FPR3: variants seen among roughly 807,000 people sequenced by gnomAD.
The protein encoded by FPR3 is N-formyl peptide receptor 3.
For synonymous variants in FPR3, 135 were observed against 163.6 expected (o/e 0.83, Z 1.34); for missense variants, 346 against 443.2 (o/e 0.78, Z 1.97).
At chr19:51,817,645 T>A (rs927423076) in intron 1 of FPR3, 1 of 152,184 alleles carries the variant, frequency 6.6e-6, no homozygotes, top group Non-Finnish European at 1.5e-5. Flanking sequence ...ATCAAACTTC[T>A]CTGTTCTACT....
intron 1 of FPR3, among the ~76,000 whole-genome samples, chr19:51,812,154 A>G (rs1463229727): frequency 2.0e-5 from 3 of 152,218 alleles, no homozygotes; most frequent in East Asian, 3.8e-4. Context: ...ATTAAAATTA[A>G]AGTAAATTGT....
chr19:51,819,112 C>T (rs1414970210), intron 1 of FPR3, among the ~76,000 whole-genome samples: 63 of 152,240 alleles, frequency 4.1e-4, no homozygotes, highest in African/African-American at 1.4e-3. Flanking sequence ...GTGAGTTCTA[C>T]ATTTAGAGCT....
At position 51,824,557 on chromosome 19, in the gene FPR3, AGAT is replaced by A; in HGVS notation, c.811_813del (p.Met271del). On this transcript the variant is annotated inframe_deletion, in exon 2 of 2. Transcript: ENST00000339223. The surrounding 1 kb of genome is among the most constrained non-coding windows in gnomAD (Gnocchi z 4.7). Reference sequence around the variant, plus strand: ...ATTCTAATGGCAGTCTGGCTCAAAGAGATGTTGTTAAATGGCAAATACAAAATC... The same window carrying A: ...ATTCTAATGGCAGTCTGGCTCAAAGAGTTGTTAAATGGCAAATACAAAATC... 6.2e-7 allele frequency: 1 copy of A among 1,614,166 alleles called. No individual in the cohort carries two copies. The highest frequency in any genetic ancestry group is 1.3e-5 in the African/African-American group (1 of 75,054).
In FPR3 at chr19:51,825,834, T is replaced by A. The variant is rs575832764; in HGVS notation, c.*1024T>A. ...CCTATATCCTGAGACTAAGTGGAAGTGGGAAAAGAGTACAAGAGAAGAGAC... is the reference window on the plus strand; with the variant it reads ...CCTATATCCTGAGACTAAGTGGAAGAGGGAAAAGAGTACAAGAGAAGAGAC... On this transcript the variant is annotated 3_prime_UTR_variant, in exon 2 of 2. Transcript: ENST00000339223. The A allele has an allele frequency of 1.2e-5, 2 of 167,112 alleles. No individual in the cohort carries two copies. Among genetic ancestry groups the A allele is most frequent in the East Asian group, 3.9e-4 (2 of 5,182 alleles). 10.4% of individuals were successfully genotyped at this position (167,112 alleles called of 1,614,324 possible). A position where few individuals can be genotyped will look rare whatever the true frequency, so the allele number is the denominator to read the frequency against.
chr19:51,820,499 T>C (rs185752440), intron 1 of FPR3, among the ~76,000 whole-genome samples: 1 of 152,350 alleles, frequency 6.6e-6, no homozygotes, highest in East Asian at 1.9e-4. Flanking sequence ...CTCCACTTTG[T>C]AACTAGGGTG....
intron 1 of FPR3, among the ~76,000 whole-genome samples, chr19:51,819,236 T>G (rs2084169719): frequency 6.6e-6 from 1 of 152,202 alleles, no homozygotes; most frequent in South Asian, 2.1e-4. Context: ...TTGGAGTGTC[T>G]ATGGGACTGC....
rs71180419 is a variant in FPR3, at chr19:51,815,567, T to TAA, written c.-10-8161_-10-8160dup. On this transcript the variant is annotated intron_variant, in intron 1 of 1. Transcript: ENST00000339223. The stretch of plus-strand genomic sequence containing the variant: ...CTGAGGGACAGGGTGAGACTCTGTC[T>TAA]AAAAAAAAAAAAGGTAGACACCAGG... Among the ~76,000 whole-genome samples the TAA allele has an allele frequency of 2.6e-3, 373 of 143,854 alleles. 5 individuals are homozygous for TAA. Among genetic ancestry groups the TAA allele is most frequent in the African/African-American group, 6.8e-3 (264 of 38,952 alleles). The allele number at this position is 143,854 out of a possible 152,430, so 94.4% of individuals were successfully genotyped here.
At chr19:51,798,750 T>C (rs939934265) in intron 1 of FPR3, among the ~76,000 whole-genome samples, 6 of 152,162 alleles carry the variant, frequency 3.9e-5, no homozygotes, top group Non-Finnish European at 7.4e-5. Flanking sequence ...TTATGAGTAT[T>C]AGATGTAAAC....
intron 1 of FPR3, chr19:51,803,683 GAA>G (rs2084039621): frequency 6.6e-6 from 1 of 151,928 alleles, no homozygotes; most frequent in Admixed American, 6.6e-5. Context: ...ATGCAAGACA[GAA>G]AGTCAGGAGC....
chr19:51,817,654 C>G (rs985645541), intron 1 of FPR3: 7 of 152,088 alleles, frequency 4.6e-5, no homozygotes, highest in African/African-American at 1.4e-4. Flanking sequence ...CTCTGTTCTA[C>G]TCATCAATAC....
At chr19:51,795,632 G>A (rs2083993822) in intron 1 of FPR3, among the ~76,000 whole-genome samples, 1 of 145,420 alleles carries the variant, frequency 6.9e-6, no homozygotes, top group Admixed American at 7.1e-5. Flanking sequence ...TCCTGCCTCA[G>A]CCTCCTGAGT....
chr19:51,801,459 C>T (rs978213334), intron 1 of FPR3, among the ~76,000 whole-genome samples: 1 of 152,114 alleles, frequency 6.6e-6, no homozygotes, highest in South Asian at 2.1e-4. Context: ...GGCTTTTGTT[C>T]CTCTACAATA....
chr19:51,811,910 C>T (rs1336757447), intron 1 of FPR3, among the ~76,000 whole-genome samples: 1 of 152,130 alleles, frequency 6.6e-6, no homozygotes, highest in Non-Finnish European at 1.5e-5. Context: ...ATGAGTTGGT[C>T]ATATCCCATG....
intron 1 of FPR3, among the ~76,000 whole-genome samples, chr19:51,821,613 G>C (rs2084190043): frequency 1.3e-5 from 2 of 152,078 alleles, no homozygotes; most frequent in African/African-American, 4.8e-5. Flanking sequence ...GAGAGAAAGG[G>C]AAAGGAGGAA....
chr19:51,813,786 G>A (rs987675942), intron 1 of FPR3, among the ~76,000 whole-genome samples: 8 of 152,072 alleles, frequency 5.3e-5, no homozygotes, highest in South Asian at 4.1e-4. Context: ...CACCCACCTC[G>A]GCCTCCCAAA....
rs532316725 is a variant in FPR3 at position 51,825,341 on chromosome 19, A to G, written c.*531A>G. The G allele has an allele frequency of 5.9e-6, 1 of 168,422 alleles. No homozygotes were observed. Among genetic ancestry groups the G allele is most frequent in the African/African-American group, 2.4e-5 (1 of 41,596 alleles). 10.4% of individuals were successfully genotyped at this position (168,422 alleles called of 1,614,324 possible). A position where few individuals can be genotyped will look rare whatever the true frequency, so the allele number is the denominator to read the frequency against. ...ACCCTCTGGGAACCTCCGTGTGTTC[A>G]CGTCTCATGAAGCTCTCCAAATCCA... On this transcript the variant is annotated 3_prime_UTR_variant, in exon 2 of 2. Coordinates refer to ENST00000339223, the MANE Select transcript of FPR3 (RefSeq NM_002030.5).
At chr19:51,809,809 C>G (rs1230673656) in intron 1 of FPR3, among the ~76,000 whole-genome samples, 2 of 152,164 alleles carry the variant, frequency 1.3e-5, no homozygotes, top group African/African-American at 4.8e-5. Flanking sequence ...ATCCTGCACT[C>G]CTTGTGTTCC....
intron 1 of FPR3, among the ~76,000 whole-genome samples, chr19:51,813,995 G>C (rs73061065): frequency 0.12 from 18,030 of 152,132 alleles, 1,325 homozygotes; most frequent in South Asian, 0.29. Context: ...AAAGCCAATA[G>C]GATGGTGAAG....
intron 1 of FPR3, among the ~76,000 whole-genome samples, chr19:51,819,379 G>A (rs2084170896): frequency 6.6e-6 from 1 of 152,072 alleles, no homozygotes; most frequent in South Asian, 2.1e-4. Flanking sequence ...ATAGAATGTG[G>A]GACACCCTAA....
Sources: allele counts gnomAD v4.1 joint callset (sites outside exome capture counted in the v4.1 genomes callset), GRCh38; gene constraint gnomAD v4.1.1; non-coding constraint Gnocchi (gnomAD v3.1); transcripts MANE v1.5; gene names NCBI Gene and HGNC (gene_info 2026-07-23, HGNC 2026-07-21).